PTAR1: variants seen among roughly 807,000 people sequenced by gnomAD.
PTAR1 encodes protein prenyltransferase alpha subunit repeat-containing protein 1.
In PTAR1, 17 loss-of-function variants were observed where a neutral mutation model predicts 45.5. That is an observed-to-expected ratio of 0.37 (90% CI 0.26 to 0.56). PTAR1 has a LOEUF of 0.56. PTAR1 is among the 20% of genes least tolerant of loss of function. The pLI is 0.77. For synonymous variants in PTAR1, 169 were observed against 171.3 expected (o/e 0.99, Z 0.11); for missense variants, 391 against 476.3 (o/e 0.82, Z 1.67).
At chr9:69,741,541 T>G in intron 3 of PTAR1, 1 of 427,086 alleles carries the variant, frequency 2.3e-6, no homozygotes, top group Non-Finnish European at 4.3e-6. Flanking sequence ...TGAAGGAAAA[T>G]AAAAGCATGT....
At chr9:69,726,806 T>G (rs531603951) in intron 5 of PTAR1, among the ~76,000 whole-genome samples, 1 of 152,056 alleles carries the variant, frequency 6.6e-6, no homozygotes, top group Non-Finnish European at 1.5e-5. Flanking sequence ...GTGATAGTCA[T>G]TATTTTTCTT....
At chr9:69,718,756 G>A (rs1222892252) in intron 6 of PTAR1, 72 bp from the exon 7 acceptor site, 2 of 1,275,382 alleles carry the variant, frequency 1.6e-6, no homozygotes, top group South Asian at 1.6e-5. Context: ...AGAAAAAAAA[G>A]TTTGCAATTT....
At chr9:69,735,675 A>C (rs1825755485) in intron 3 of PTAR1, among the ~76,000 whole-genome samples, 1 of 152,114 alleles carries the variant, frequency 6.6e-6, no homozygotes, top group African/African-American at 2.4e-5. Context: ...ATGTATCTAT[A>C]ATTTTATAAT....
chr9:69,750,773 A>G lies in PTAR1; in HGVS notation c.256+8T>C. The G allele has an allele frequency of 6.3e-7, 1 of 1,597,326 alleles. No homozygotes were observed. Among genetic ancestry groups the G allele is most frequent in the Non-Finnish European group, 8.5e-7 (1 of 1,171,818 alleles). ...AAACCAAATGAAGAAAATATGATTC[A>G]TACTTACCATCTCTGTTCAGCCATT... On this transcript the variant is annotated splice_region_variant and intron_variant, in intron 2 of 7. Transcript: ENST00000340434.
At position 69,714,276 on chromosome 9, in the gene PTAR1, G is replaced by A. The variant is rs1414657996; in HGVS notation, c.*4066C>T. On this transcript the variant is annotated 3_prime_UTR_variant, in exon 8 of 8. Coordinates refer to ENST00000340434, the MANE Select transcript of PTAR1 (RefSeq NM_001099666.2). ...TCTAGCATACTTTAAATATCTGTAAGTTTTAAAATATAATTTTCCAGTAGC... is the reference window on the plus strand; with the variant it reads ...TCTAGCATACTTTAAATATCTGTAAATTTTAAAATATAATTTTCCAGTAGC... 1 of 151,822 alleles carries A rather than the reference G, an allele frequency of 6.6e-6. No homozygotes were observed. The highest frequency in any genetic ancestry group is 1.5e-5 in the Non-Finnish European group (1 of 67,946). 9.4% of individuals were successfully genotyped at this position (151,822 alleles called of 1,614,324 possible).
At chr9:69,729,417 A>G (rs1825432053) in intron 5 of PTAR1, among the ~76,000 whole-genome samples, 1 of 152,216 alleles carries the variant, frequency 6.6e-6, no homozygotes, top group Admixed American at 6.5e-5. Context: ...CATTTTAGTC[A>G]TAACAAAATA....
chr9:69,727,009 A>T (rs1444869260), intron 5 of PTAR1, among the ~76,000 whole-genome samples: 1 of 140,678 alleles, frequency 7.1e-6, no homozygotes, highest in Non-Finnish European at 1.5e-5. Flanking sequence ...ATAAATGACA[A>T]ATTAAAATTG....
chr9:69,747,187 T>C (rs1209612178), intron 2 of PTAR1, among the ~76,000 whole-genome samples: 1 of 152,246 alleles, frequency 6.6e-6, no homozygotes, highest in Admixed American at 6.5e-5. Context: ...TAAACTCACA[T>C]TCCAGCCAGG....
intron 1 of PTAR1, among the ~76,000 whole-genome samples, chr9:69,759,006 A>ATCTCTC (rs56932168): frequency 1.3e-5 from 2 of 151,284 alleles, no homozygotes; most frequent in African/African-American, 4.9e-5. Flanking sequence ...TATAATGTAG[A>ATCTCTC]TCTCTCTCTC....
At chr9:69,752,045 CTGTT>C (rs780149737) in intron 1 of PTAR1, among the ~76,000 whole-genome samples, 95 of 152,096 alleles carry the variant, frequency 6.2e-4, no homozygotes, top group Non-Finnish European at 6.6e-4. Context: ...AGAATGTCCT[CTGTT>C]TAATTAATGA....
chr9:69,738,809 A>ATTTT (rs34148439), intron 3 of PTAR1, among the ~76,000 whole-genome samples: 1 of 137,062 alleles, frequency 7.3e-6, no homozygotes, highest in Non-Finnish European at 1.6e-5. Flanking sequence ...TAACACCTCA[A>ATTTT]TTTTTTTTTT....
chr9:69,754,894 G>A (rs1826702966), intron 1 of PTAR1, among the ~76,000 whole-genome samples: 1 of 151,762 alleles, frequency 6.6e-6, no homozygotes. Context: ...CAAAAAGTGG[G>A]ATCATATTGA....
intron 3 of PTAR1, among the ~76,000 whole-genome samples, chr9:69,738,760 GAATTA>G (rs1825905475): frequency 6.6e-6 from 1 of 151,100 alleles, no homozygotes; most frequent in Admixed American, 6.6e-5. Context: ...GTGGGTGCTA[GAATTA>G]AATTGTTTTT....
At chr9:69,749,740 T>G (rs536657440) in intron 2 of PTAR1, among the ~76,000 whole-genome samples, 1 of 152,114 alleles carries the variant, frequency 6.6e-6, no homozygotes, top group Admixed American at 6.6e-5. Context: ...GAAATCAGTA[T>G]GTCATACATT....
At chr9:69,749,872 T>G (rs1826445850) in intron 2 of PTAR1, among the ~76,000 whole-genome samples, 1 of 152,076 alleles carries the variant, frequency 6.6e-6, no homozygotes, top group African/African-American at 2.4e-5. Context: ...CAGGACAGCA[T>G]CTGGTATGAG....
rs1411185507 is a variant in PTAR1, at chr9:69,741,785, G to T, written c.323+7C>A. The T allele has an allele frequency of 6.3e-7, 1 of 1,575,746 alleles. No homozygotes were observed. Among genetic ancestry groups the T allele is most frequent in the East Asian group, 2.3e-5 (1 of 44,302 alleles). On this transcript the variant is annotated splice_region_variant and intron_variant, in intron 3 of 7. Transcript: ENST00000340434. The stretch of plus-strand genomic sequence containing the variant: ...ACTTTATCATATCACTAATGAAAAT[G>T]ACATACCTCACGTTCCATGCAGTGG...
intron 2 of PTAR1, among the ~76,000 whole-genome samples, chr9:69,744,488 C>T (rs904827377): frequency 1.3e-5 from 2 of 151,694 alleles, no homozygotes; most frequent in African/African-American, 2.4e-5. Flanking sequence ...TAGGCTCAAG[C>T]GATTCTCATG....
At chr9:69,758,733 T>C (rs1219840878) in intron 1 of PTAR1, 2 of 378,638 alleles carry the variant, frequency 5.3e-6, no homozygotes, top group African/African-American at 2.1e-5. Flanking sequence ...TTTGGTAAGA[T>C]ACACGTTTGG....
intron 1 of PTAR1, among the ~76,000 whole-genome samples, chr9:69,753,529 T>G (rs1209415723): frequency 1.3e-5 from 2 of 152,174 alleles, no homozygotes; most frequent in African/African-American, 4.8e-5. Context: ...TATACATACA[T>G]ATCAGTATCA....
Sources: gnomAD v4.1 joint callset for allele counts (sites outside exome capture counted in the v4.1 genomes callset) on GRCh38, gnomAD v4.1.1 for gene constraint, MANE v1.5 for transcripts, NCBI Gene and HGNC (gene_info 2026-07-23, HGNC 2026-07-21) for gene names.